The following SEC24B variants were observed in gnomAD, a reference collection of about 807,000 sequenced individuals.
The protein encoded by SEC24B is SEC24 homolog B, COPII component, also known as protein transport protein Sec24B.
Under a neutral mutation model 142.8 loss-of-function variants are expected in SEC24B, and 45 were observed. The observed-to-expected ratio is 0.32, with a 90% CI of 0.25 to 0.40. SEC24B has a LOEUF of 0.40. Ranked by LOEUF, SEC24B falls within the 10% of genes least tolerant of loss-of-function variation. The pLI is 1.00. For synonymous variants in SEC24B, 574 were observed against 568.2 expected (o/e 1.01, Z -0.15); for missense variants, 1,409 against 1,526.8 (o/e 0.92, Z 1.29).
chr4:109,520,322 G>A (rs764316030), intron 11 of SEC24B, 44 bp from the exon 12 acceptor site: 1 of 1,099,874 alleles, frequency 9.1e-7, no homozygotes, highest in South Asian at 1.3e-5. Flanking sequence ...AATGAAATAT[G>A]TTACTGAGCA....
At position 109,494,833 on chromosome 4, in the gene SEC24B, T is replaced by C; in HGVS notation, c.1465T>C (p.Ser489Pro). ...SGVQPSNPVY[S>P]GFQQYPQQYP... ...AGTACAGCCCAGTAACCCGGTATATTCTGGATTCCAGCAGTATCCTCAAGT... is the reference window on the plus strand; with the variant it reads ...AGTACAGCCCAGTAACCCGGTATATCCTGGATTCCAGCAGTATCCTCAAGT... Residue 489 changes from serine to proline, a missense_variant, in exon 6 of 24, where the codon TCT becomes CCT. By Grantham distance (74) the Ser-to-Pro change is moderately conservative. Coordinates refer to ENST00000265175, the MANE Select transcript of SEC24B (RefSeq NM_006323.5). The C allele has an allele frequency of 6.2e-7, 1 of 1,614,100 alleles. No individual in the cohort carries two copies. The highest frequency in any genetic ancestry group is 8.5e-7 in the Non-Finnish European group (1 of 1,179,938).
At chr4:109,465,042 G>C (rs17040461) in intron 2 of SEC24B, among the ~76,000 whole-genome samples, 1 of 152,102 alleles carries the variant, frequency 6.6e-6, no homozygotes, top group East Asian at 1.9e-4. Flanking sequence ...GCACCAAGAA[G>C]GGAGAGGAAA....
chr4:109,457,000 G>C (rs904505793), intron 1 of SEC24B, among the ~76,000 whole-genome samples: 4 of 152,186 alleles, frequency 2.6e-5, no homozygotes, highest in African/African-American at 9.6e-5. Flanking sequence ...TTCAGTTTGT[G>C]CCCCAGGGTT....
chr4:109,475,530 G>T (rs973960311), intron 3 of SEC24B, among the ~76,000 whole-genome samples: 4 of 151,914 alleles, frequency 2.6e-5, no homozygotes, highest in African/African-American at 9.7e-5. Flanking sequence ...TTTTGTTTGG[G>T]TAGCCCCTAA....
intron 1 of SEC24B, among the ~76,000 whole-genome samples, chr4:109,436,985 A>G (rs1369729777): frequency 6.6e-6 from 1 of 152,218 alleles, no homozygotes; most frequent in East Asian, 1.9e-4. Context: ...TACCAAAGTA[A>G]TTGAACCTAA....
At chr4:109,438,508 A>G (rs971283361) in intron 1 of SEC24B, among the ~76,000 whole-genome samples, 4 of 152,080 alleles carry the variant, frequency 2.6e-5, no homozygotes, top group Non-Finnish European at 4.4e-5. Context: ...GTAGAGACTG[A>G]TCTCAAACTC....
chr4:109,494,777 A>G lies in SEC24B; in HGVS notation c.1409A>G (p.Tyr470Cys), dbSNP rs1255840949. 3 of 1,614,222 alleles carry G rather than the reference A, an allele frequency of 1.9e-6. No homozygotes were observed. Among genetic ancestry groups the G allele is most frequent in the Non-Finnish European group, 2.5e-6 (3 of 1,180,036 alleles). Residue 470 changes from tyrosine (Y) to cysteine (C), a missense_variant, in exon 6 of 24, where the codon TAT becomes TGT. Physicochemically the swap from Tyr to Cys is radical, Grantham distance 194. Coordinates refer to ENST00000265175, the MANE Select transcript of SEC24B (RefSeq NM_006323.5). ...GYGYPTLQPG[Y>C]QNATAPLISG... is the part of the protein sequence containing the mutation. ...GGCTATCCAACACTTCAGCCTGGTT[A>G]TCAGAATGCTACAGCACCACTTATT...
intron 11 of SEC24B, among the ~76,000 whole-genome samples, chr4:109,518,072 A>G (rs1723168933): frequency 6.6e-6 from 1 of 152,062 alleles, no homozygotes; most frequent in South Asian, 2.1e-4. Context: ...GGTTCAAGCA[A>G]TTCTCTTGCC....
chr4:109,506,130 C>A (rs1372925496), intron 6 of SEC24B, among the ~76,000 whole-genome samples, 198 bp from the exon 7 acceptor site: 1 of 151,930 alleles, frequency 6.6e-6, no homozygotes, highest in Non-Finnish European at 1.5e-5. Context: ...GAGGGTTAAC[C>A]TTGCTAATAA....
intron 13 of SEC24B, 73 bp from the exon 14 acceptor site, chr4:109,521,347 C>G (rs1723591462): frequency 7.7e-7 from 1 of 1,304,858 alleles, no homozygotes; most frequent in African/African-American, 1.5e-5. Context: ...ACATGATACA[C>G]TATGGAATGT....
At chr4:109,537,939 A>C (rs1725740492) in intron 22 of SEC24B, among the ~76,000 whole-genome samples, 1 of 152,144 alleles carries the variant, frequency 6.6e-6, no homozygotes, top group African/African-American at 2.4e-5. Context: ...AAGGAAAGTA[A>C]ATCTTACCTT....
chr4:109,516,494 A>T (rs774460976), intron 10 of SEC24B, 34 bp from the exon 11 acceptor site: 1 of 1,303,704 alleles, frequency 7.7e-7, no homozygotes, highest in East Asian at 2.4e-5. Flanking sequence ...AATTGTACCT[A>T]CCAAATAACT....
At chr4:109,449,169 G>T (rs1301130715) in intron 1 of SEC24B, among the ~76,000 whole-genome samples, 2 of 152,060 alleles carry the variant, frequency 1.3e-5, no homozygotes, top group African/African-American at 4.8e-5. Flanking sequence ...TGGTTAAGAG[G>T]GTTGTCTTAG....
intron 1 of SEC24B, among the ~76,000 whole-genome samples, chr4:109,434,812 T>C (rs1405194287): frequency 6.6e-6 from 1 of 152,182 alleles, no homozygotes; most frequent in Non-Finnish European, 1.5e-5. Flanking sequence ...AGGGCCTTCA[T>C]ACAGGCAGCA....
At chr4:109,532,288 T>C (rs560349955) in intron 20 of SEC24B, among the ~76,000 whole-genome samples, 13 of 152,272 alleles carry the variant, frequency 8.5e-5, no homozygotes, top group African/African-American at 2.9e-4. Context: ...CTGTATTCTT[T>C]GGAATTAGTA....
At chr4:109,485,908 G>A (rs1734302224) in intron 4 of SEC24B, among the ~76,000 whole-genome samples, 1 of 152,160 alleles carries the variant, frequency 6.6e-6, no homozygotes, top group Non-Finnish European at 1.5e-5. Context: ...TTACTGAACA[G>A]TGATGAAAAA....
chr4:109,495,628 A>G (rs1247896726), intron 6 of SEC24B, among the ~76,000 whole-genome samples: 2 of 152,196 alleles, frequency 1.3e-5, no homozygotes, highest in African/African-American at 2.4e-5. Context: ...TGTGACATTT[A>G]CATGAGGCCT....
rs1269682212 is a variant in SEC24B, at chr4:109,532,680, T to A, written c.3432T>A (p.Pro1144=). ...HVNDRIVPQP[P]LQKLSAEKLT... ...ATGACAGGATTGTACCACAGCCACC[T>A]CTTCAAAAATTGTCTGCAGAGAAGC... The change falls in exon 21 of 24, where the codon CCT becomes CCA. Residue 1144 remains proline, a synonymous_variant. Transcript: ENST00000265175. 1 of 1,613,768 alleles carries A rather than the reference T, an allele frequency of 6.2e-7. No individual in the cohort carries two copies. Among genetic ancestry groups the A allele is most frequent in the South Asian group, 1.1e-5 (1 of 91,076 alleles).
chr4:109,441,521 C>A (rs1223610694), intron 1 of SEC24B, among the ~76,000 whole-genome samples: 1 of 152,056 alleles, frequency 6.6e-6, no homozygotes, highest in Admixed American at 6.6e-5. Context: ...GTCTTGACCT[C>A]CCCGGGTTAA....
Sources: allele counts gnomAD v4.1 joint callset (sites outside exome capture counted in the v4.1 genomes callset), GRCh38; gene constraint gnomAD v4.1.1; transcripts MANE v1.5; gene names NCBI Gene and HGNC (gene_info 2026-07-23, HGNC 2026-07-21).